The following G2E3 variants were observed in gnomAD, a reference collection of about 807,000 sequenced individuals.
The protein encoded by G2E3 is G2/M phase-specific E3 ubiquitin-protein ligase.
G2E3 carries 35 observed loss-of-function variants against 92.8 expected under a neutral mutation model. The observed-to-expected ratio is 0.38, with a 90% CI of 0.29 to 0.50. G2E3 has a LOEUF of 0.50. Among genes scored for constraint, G2E3 ranks in the 20% least tolerant of loss-of-function variants. The pLI, the probability that G2E3 is intolerant of heterozygous loss-of-function variation, is 0.94. For missense variants in G2E3, 554 were observed against 823.8 expected (o/e 0.67, Z 4.01); for synonymous variants, 242 against 272.4 (o/e 0.89, Z 1.10).
chr14:30,563,617 G>A (rs1261883864), intron 1 of G2E3, among the ~76,000 whole-genome samples: 1 of 150,228 alleles, frequency 6.7e-6, no homozygotes, highest in African/African-American at 2.4e-5. Flanking sequence ...GTGGGGTGGG[G>A]TAGGGGAGGA....
At chr14:30,611,655 T>C (rs914865437) in intron 12 of G2E3, 2 of 151,982 alleles carry the variant, frequency 1.3e-5, no homozygotes, top group Non-Finnish European at 1.5e-5. Context: ...ACTTTTCTCT[T>C]TTTTTTTCTT....
intron 1 of G2E3, chr14:30,559,586 T>A (rs968002284): frequency 6.6e-6 from 1 of 152,232 alleles, no homozygotes; most frequent in Admixed American, 6.5e-5. Context: ...CGTAGTTTAT[T>A]ATTTCCACCA....
At chr14:30,582,407 G>T (rs898345214) in intron 2 of G2E3, among the ~76,000 whole-genome samples, 3 of 151,964 alleles carry the variant, frequency 2.0e-5, no homozygotes, top group Non-Finnish European at 4.4e-5. Context: ...AGTCTGTTCT[G>T]CATTCAAGGC....
chr14:30,589,220 A>G (rs186050864), intron 3 of G2E3, among the ~76,000 whole-genome samples, 163 bp from the exon 4 acceptor site: 1 of 152,240 alleles, frequency 6.6e-6, no homozygotes, highest in East Asian at 1.9e-4. Context: ...CAATGTAAGT[A>G]GCCTCTTACT....
chr14:30,598,591 A>G lies in G2E3; in HGVS notation c.744A>G (p.Ala248=), dbSNP rs754371254. The change falls in exon 8 of 15, where the codon GCA becomes GCG. Residue 248 remains alanine, a synonymous_variant. Coordinates refer to ENST00000206595, the MANE Select transcript of G2E3 (RefSeq NM_017769.5). The part of the protein sequence containing the change: ...CRCKEGRDYN[A]PDSKWEIKRC... The stretch of plus-strand genomic sequence containing the variant: ...GCAAAGAAGGGCGAGACTATAATGC[A>G]CCTGATAGGTATTTCTGAAAGTTCA... The G allele has an allele frequency of 1.3e-6, 2 of 1,588,080 alleles. No homozygotes were observed. Among genetic ancestry groups the G allele is most frequent in the Non-Finnish European group, 1.7e-6 (2 of 1,156,230 alleles).
At chr14:30,578,168 A>G (rs1028908526) in intron 1 of G2E3, among the ~76,000 whole-genome samples, 3 of 152,302 alleles carry the variant, frequency 2.0e-5, no homozygotes, top group African/African-American at 7.2e-5. Flanking sequence ...GGATTTAGAA[A>G]CAAAAGTTAT....
intron 8 of G2E3, among the ~76,000 whole-genome samples, chr14:30,599,249 A>AT (rs1881443505): frequency 6.6e-6 from 1 of 151,914 alleles, no homozygotes; most frequent in Non-Finnish European, 1.5e-5. Context: ...TTGTTTTGAG[A>AT]TGGAGTCTTG....
At chr14:30,609,929 A>G (rs1882010162) in intron 12 of G2E3, among the ~76,000 whole-genome samples, 1 of 152,000 alleles carries the variant, frequency 6.6e-6, no homozygotes, top group East Asian at 1.9e-4. Flanking sequence ...ACCAAACTCA[A>G]ATTTTCCCTA....
intron 3 of G2E3, among the ~76,000 whole-genome samples, chr14:30,588,050 G>C (rs1880808048): frequency 1.3e-5 from 2 of 152,148 alleles, no homozygotes; most frequent in Non-Finnish European, 2.9e-5. Flanking sequence ...ACAGTCTTGT[G>C]CCTCCGTACC....
chr14:30,581,226 G>A, intron 2 of G2E3, 110 bp downstream of exon 2: 1 of 676,434 alleles, frequency 1.5e-6, no homozygotes, highest in Admixed American at 2.4e-5. Flanking sequence ...TAGTTTGTAT[G>A]TCCACATACT....
At chr14:30,564,107 A>G (rs927739028) in intron 1 of G2E3, among the ~76,000 whole-genome samples, 1 of 152,214 alleles carries the variant, frequency 6.6e-6, no homozygotes, top group Admixed American at 6.5e-5. Flanking sequence ...TGTATGCAAT[A>G]AAAGTCACCC....
Position 30,563,106 on chromosome 14 carries a change from C to T in G2E3, c.-5+3834C>T, listed in dbSNP as rs577097790. Among the ~76,000 whole-genome samples, 5 of 149,028 alleles carry T rather than the reference C, an allele frequency of 3.4e-5. No individual in the cohort carries two copies. The East Asian group carries it at 5.9e-4, about 18-fold the overall frequency. On this transcript the variant is annotated intron_variant, in intron 1 of 14. Transcript: ENST00000206595. Reference sequence around the variant, plus strand: ...TTCTACAATCTCTCGTCTCCGCACACGGGGAGAAAAACCCACCGATCCTGT... The same window carrying T: ...TTCTACAATCTCTCGTCTCCGCACATGGGGAGAAAAACCCACCGATCCTGT...
chr14:30,565,214 T>C (rs1304733570), intron 1 of G2E3, among the ~76,000 whole-genome samples: 1 of 152,206 alleles, frequency 6.6e-6, no homozygotes, highest in African/African-American at 2.4e-5. Context: ...TTTGATTTAC[T>C]TATCACTAAT....
intron 10 of G2E3, among the ~76,000 whole-genome samples, chr14:30,603,327 A>G (rs534003338): frequency 6.1e-5 from 9 of 146,674 alleles, no homozygotes; most frequent in Admixed American, 6.1e-4. Flanking sequence ...CTCTGTCTCA[A>G]AAAAAAAAAA....
rs747737535 is a variant in G2E3, at chr14:30,592,319, C to G, written c.238-4C>G. ...GTGACCCCTATTTTCACATACTCTT[C>G]TAGAAATGCTGTGTTTGCAAGAAAA... On this transcript the variant is annotated splice_region_variant and splice_polypyrimidine_tract_variant and intron_variant, in intron 4 of 14. Transcript: ENST00000206595. The G allele has an allele frequency of 6.2e-6, 10 of 1,612,020 alleles. No homozygotes were observed. In the South Asian group the frequency reaches 1.1e-4, roughly 18 times the overall value.
intron 4 of G2E3, among the ~76,000 whole-genome samples, chr14:30,591,570 A>C (rs1298804796): frequency 5.9e-5 from 9 of 152,126 alleles, no homozygotes; most frequent in Admixed American, 2.6e-4. Flanking sequence ...CTAGCTTCAC[A>C]TGGCTGCTGG....
intron 3 of G2E3, among the ~76,000 whole-genome samples, chr14:30,587,772 AG>A (rs754776023): frequency 1.8e-4 from 27 of 152,294 alleles, no homozygotes; most frequent in South Asian, 8.3e-4. Flanking sequence ...CTTCTCCCAA[AG>A]CAAGTGATGA....
chr14:30,566,896 G>A (rs1879469661), intron 1 of G2E3, among the ~76,000 whole-genome samples: 1 of 152,184 alleles, frequency 6.6e-6, no homozygotes, highest in Non-Finnish European at 1.5e-5. Flanking sequence ...TCATCAATGA[G>A]TTGTATTTTG....
intron 10 of G2E3, among the ~76,000 whole-genome samples, chr14:30,603,650 TG>T (rs1456936562): frequency 6.6e-6 from 1 of 152,154 alleles, no homozygotes; most frequent in African/African-American, 2.4e-5. Flanking sequence ...GAAACCAGTC[TG>T]GGCAATATTA....
Sources: gnomAD v4.1 joint callset for allele counts (sites outside exome capture counted in the v4.1 genomes callset) on GRCh38, gnomAD v4.1.1 for gene constraint, MANE v1.5 for transcripts, NCBI Gene and HGNC (gene_info 2026-07-23, HGNC 2026-07-21) for gene names.